The following FCRL1 variants were observed in gnomAD, a reference collection of about 807,000 sequenced individuals.
FCRL1 encodes the protein Fc receptor like 1.
Under a neutral mutation model 49.2 loss-of-function variants are expected in FCRL1, and 34 were observed. The observed-to-expected ratio is 0.69, with a 90% confidence interval of 0.53 to 0.92. FCRL1 has a LOEUF of 0.92. FCRL1 is among the 40% of genes least tolerant of loss of function. The probability of loss-of-function intolerance (pLI) is 0.00; values close to 1 mark genes in which losing one functional copy is unlikely to be tolerated. For missense variants in FCRL1, 524 were observed against 524.1 expected, an observed-to-expected ratio of 1.00 and a Z score of 0.00; for synonymous variants, 218 against 201.6, an observed-to-expected ratio of 1.08 and a Z score of -0.69.
chr1:157,798,552 T>C (rs1003458831), intron 7 of FCRL1, among the ~76,000 whole-genome samples: 6 of 152,060 alleles, frequency 3.9e-5, no homozygotes, highest in African/African-American at 1.4e-4. Context: ...ATTGATTCAC[T>C]CCAGATGGAA....
chr1:157,799,784 A>G (rs911631767), intron 7 of FCRL1, among the ~76,000 whole-genome samples: 10 of 152,140 alleles, frequency 6.6e-5, no homozygotes, highest in African/African-American at 2.4e-4. Flanking sequence ...TAAAACTTAA[A>G]GTATAATAAT....
At chr1:157,813,048 C>A (rs922295536) in intron 1 of FCRL1, among the ~76,000 whole-genome samples, 6 of 152,240 alleles carry the variant, frequency 3.9e-5, no homozygotes, top group African/African-American at 1.4e-4. Context: ...CACCTGGAAC[C>A]AAACCAATGA....
In FCRL1 at chr1:157,802,604, C is replaced by T. The variant is rs1472590784; in HGVS notation, c.380G>A (p.Gly127Glu). The T allele has an allele frequency of 6.2e-7, 1 of 1,614,170 alleles. No individual in the cohort carries two copies. The highest frequency in any genetic ancestry group is 2.2e-5 in the East Asian group (1 of 44,876). Reference sequence around the variant, plus strand: ...TGAGCAGATGAGGACCAGCCTGTCTCCCTCCATCACCTGTCCTCCTGGGGG... The same window carrying T: ...TGAGCAGATGAGGACCAGCCTGTCTTCCTCCATCACCTGTCCTCCTGGGGG... Reference protein sequence around the residue: ...TQPPGGQVMEGDRLVLICSVA... With the variant: ...TQPPGGQVMEEDRLVLICSVA... The change falls in exon 4 of 11, where the codon GGA (glycine) becomes GAA (glutamate). Residue 127 changes from glycine (G) to glutamate (E), a missense_variant. Gly to Glu is a moderately conservative substitution (Grantham distance 98, BLOSUM62 -2). Transcript: ENST00000368176.
At chr1:157,812,574 C>T (rs1218703570) in intron 1 of FCRL1, among the ~76,000 whole-genome samples, 3 of 152,090 alleles carry the variant, frequency 2.0e-5, no homozygotes, top group African/African-American at 7.2e-5. Flanking sequence ...TGTATCTTGA[C>T]CCCCAGGATC....
Position 157,808,119 on chromosome 1 carries a change from C to T in FCRL1, c.32-997G>A, listed in dbSNP as rs554522819. On this transcript the variant is annotated intron_variant, in intron 1 of 10. Transcript: ENST00000368176. ...AGAGCATAAAATCATATTCCATACA[C>T]TTGTCCATACAGCAAATAATTTGAA... Among the ~76,000 whole-genome samples the T allele has an allele frequency of 2.1e-4, 32 of 152,316 alleles. No homozygotes were observed. In the South Asian group the frequency reaches 5.0e-3, roughly 24 times the overall value.
intron 5 of FCRL1, among the ~76,000 whole-genome samples, 168 bp downstream of exon 5, chr1:157,801,747 C>T (rs1387720536): frequency 6.6e-6 from 1 of 152,212 alleles, no homozygotes; most frequent in African/African-American, 2.4e-5. Context: ...GAGCTGCACC[C>T]AACCTTGAGT....
At chr1:157,810,684 A>G (rs1428135391) in intron 1 of FCRL1, among the ~76,000 whole-genome samples, 1 of 152,218 alleles carries the variant, frequency 6.6e-6, no homozygotes, top group East Asian at 1.9e-4. Flanking sequence ...AATTATAGAC[A>G]GTCTTTCAAA....
chr1:157,812,465 C>T (rs759710947), intron 1 of FCRL1, among the ~76,000 whole-genome samples: 1 of 152,164 alleles, frequency 6.6e-6, no homozygotes, highest in African/African-American at 2.4e-5. Flanking sequence ...TAAGTTGCCC[C>T]TGTGTCTCAT....
intron 1 of FCRL1, among the ~76,000 whole-genome samples, chr1:157,818,297 A>G (rs775900939): frequency 2.0e-5 from 3 of 152,126 alleles, no homozygotes; most frequent in Non-Finnish European, 4.4e-5. Context: ...TGCAATATAC[A>G]TACATGATGG....
intron 7 of FCRL1, among the ~76,000 whole-genome samples, chr1:157,798,966 A>G (rs1175800498): frequency 1.3e-5 from 2 of 152,182 alleles, no homozygotes; most frequent in Non-Finnish European, 2.9e-5. Context: ...TGATTGAGTG[A>G]ATGCATGATC....
intron 1 of FCRL1, among the ~76,000 whole-genome samples, chr1:157,818,642 T>C (rs1264275387): frequency 1.3e-5 from 2 of 150,040 alleles, no homozygotes; most frequent in East Asian, 3.9e-4. Flanking sequence ...AATAGAGGGG[T>C]GAGGATAGGT....
At chr1:157,807,447 T>C (rs1653659916) in intron 1 of FCRL1, among the ~76,000 whole-genome samples, 1 of 152,180 alleles carries the variant, frequency 6.6e-6, no homozygotes, top group Admixed American at 6.6e-5. Context: ...ATGACTTGTG[T>C]TGTCTGTGAC....
intron 1 of FCRL1, among the ~76,000 whole-genome samples, chr1:157,813,253 A>T (rs1157249944): frequency 2.6e-5 from 4 of 152,244 alleles, no homozygotes; most frequent in Non-Finnish European, 5.9e-5. Context: ...ATTTTCCAAT[A>T]ACTAACTGGA....
intron 9 of FCRL1, among the ~76,000 whole-genome samples, 180 bp from the exon 10 acceptor site, chr1:157,797,312 T>C (rs1651668943): frequency 6.6e-6 from 1 of 152,182 alleles, no homozygotes; most frequent in Non-Finnish European, 1.5e-5. Flanking sequence ...CAGAGGAAAA[T>C]TGGTAGCCTG....
chr1:157,803,504 T>C (rs1652878485), intron 3 of FCRL1, among the ~76,000 whole-genome samples: 1 of 152,198 alleles, frequency 6.6e-6, no homozygotes, highest in South Asian at 2.1e-4. Context: ...CAGCCAGTCC[T>C]ACACAATGCA....
rs1652988142 is a variant in FCRL1 at position 157,804,096 on chromosome 1, G to T, written c.68C>A (p.Ala23Asp). The T allele has an allele frequency of 6.2e-7, 1 of 1,613,942 alleles. No individual in the cohort carries two copies. The highest frequency in any genetic ancestry group is 8.5e-7 in the Non-Finnish European group (1 of 1,179,996). The change falls in exon 3 of 11, where the codon GCC becomes GAC. Residue 23 changes from alanine to aspartate, a missense_variant. Ala to Asp is a moderately radical substitution (Grantham distance 126). Coordinates refer to ENST00000368176, the MANE Select transcript of FCRL1 (RefSeq NM_052938.5). The stretch of plus-strand genomic sequence containing the variant: ...CCCCTCTGTGGGATGGGAGGGGCTG[G>T]CTATCAAAAACAGCTCTAGAGAGAG... ...LCEPAELFLI[A>D]SPSHPTEGSP...
chr1:157,805,661 C>T (rs1353533744), intron 2 of FCRL1, among the ~76,000 whole-genome samples: 5 of 152,122 alleles, frequency 3.3e-5, no homozygotes, highest in South Asian at 2.1e-4. Context: ...TTTGGGAGGC[C>T]GAGCCTGGTG....
chr1:157,801,714 T>C, intron 5 of FCRL1, 137 bp from the exon 6 acceptor site: 1 of 855,024 alleles, frequency 1.2e-6, no homozygotes, highest in South Asian at 1.7e-5. Flanking sequence ...GACTTGTGGC[T>C]TATCATCTTT....
At chr1:157,819,973 C>T in intron 1 of FCRL1, 34 bp downstream of exon 1, 1 of 1,613,436 alleles carries the variant, frequency 6.2e-7, no homozygotes, top group Non-Finnish European at 8.5e-7. Context: ...AGCATGATTG[C>T]ATCCCATGCC....
Sources: gnomAD v4.1 joint callset for allele counts (sites outside exome capture counted in the v4.1 genomes callset) on GRCh38, gnomAD v4.1.1 for gene constraint, MANE v1.5 for transcripts, NCBI Gene and HGNC (gene_info 2026-07-23, HGNC 2026-07-21) for gene names.